FSTL4: variants seen among roughly 807,000 people sequenced by gnomAD.
FSTL4 encodes follistatin-related protein 4.
Under a neutral mutation model 78.2 loss-of-function variants are expected in FSTL4, and 28 were observed. The ratio of observed to expected loss-of-function variants is 0.36; its 90% CI spans 0.27 to 0.49. The LOEUF (loss-of-function observed/expected upper bound fraction) is 0.49. Among genes scored for constraint, FSTL4 ranks in the 20% least tolerant of loss-of-function variants. The pLI, the probability that FSTL4 is intolerant of heterozygous loss-of-function variation, is 0.98. For missense variants in FSTL4, 922 were observed against 1,084.9 expected (o/e 0.85, Z 2.11); for synonymous variants, 422 against 440.5 (o/e 0.96, Z 0.53).
chr5:133,768,803 A>T, the FSTL4 span, among the ~76,000 whole-genome samples: 1 of 152,234 alleles, frequency 6.6e-6, no homozygotes, highest in Non-Finnish European at 1.5e-5. Context: ...AGAAGAATAA[A>T]GCTCCAATAT....
the FSTL4 span, among the ~76,000 whole-genome samples, chr5:133,631,151 G>C: frequency 6.6e-6 from 1 of 151,912 alleles, no homozygotes; most frequent in Admixed American, 6.6e-5. Context: ...GGCAAATGGG[G>C]TCTAATTAAA....
intron 4 of FSTL4, among the ~76,000 whole-genome samples, chr5:133,318,922 A>G (rs1379848767): frequency 6.6e-6 from 1 of 152,164 alleles, no homozygotes; most frequent in Non-Finnish European, 1.5e-5. Context: ...TGGCCTAAGC[A>G]TGGAGAGCGC....
the FSTL4 span, among the ~76,000 whole-genome samples, chr5:133,669,904 T>C: frequency 2.0e-5 from 3 of 152,108 alleles, no homozygotes; most frequent in African/African-American, 4.8e-5. Flanking sequence ...TAAGAGTCAT[T>C]AAGAGTTTCC....
the FSTL4 span, among the ~76,000 whole-genome samples, chr5:133,771,318 C>G: frequency 6.6e-6 from 1 of 152,050 alleles, no homozygotes; most frequent in Non-Finnish European, 1.5e-5. Flanking sequence ...GCAGTATGGT[C>G]ATTTTAACAA....
rs1025909401 is a variant in FSTL4, at chr5:133,318,777, C to A, written c.410-2125G>T. Among the ~76,000 whole-genome samples the A allele has an allele frequency of 5.7e-4, 87 of 152,318 alleles. No homozygotes were observed. The Middle Eastern group carries it at 0.01, about 18-fold the overall frequency. On this transcript the variant is annotated intron_variant, in intron 4 of 15. Coordinates refer to ENST00000265342, the MANE Select transcript of FSTL4 (RefSeq NM_015082.2). Reference sequence around the variant, plus strand: ...AGGCTGGGTCAAAAGGGCAGGATGCCCCATCCTTGCAGATCCCCCCAACCT... The same window carrying A: ...AGGCTGGGTCAAAAGGGCAGGATGCACCATCCTTGCAGATCCCCCCAACCT...
At chr5:133,835,529 A>T in the FSTL4 span, among the ~76,000 whole-genome samples, 1 of 152,252 alleles carries the variant, frequency 6.6e-6, no homozygotes, top group South Asian at 2.1e-4. Flanking sequence ...TGGATGTAGC[A>T]GTATACTTGA....
intron 3 of FSTL4, among the ~76,000 whole-genome samples, chr5:133,401,981 A>G (rs1399895277): frequency 6.6e-6 from 1 of 152,012 alleles, no homozygotes; most frequent in Non-Finnish European, 1.5e-5. Context: ...ATAAGAAGAA[A>G]GTCATGCTCC....
intron 2 of FSTL4, among the ~76,000 whole-genome samples, chr5:133,602,044 C>T (rs759796308): frequency 5.3e-5 from 8 of 151,998 alleles, no homozygotes; most frequent in Non-Finnish European, 1.5e-5. Flanking sequence ...TAGGCCCATT[C>T]CCATTATTAT....
At chr5:133,682,732 T>G in the FSTL4 span, among the ~76,000 whole-genome samples, 2 of 152,026 alleles carry the variant, frequency 1.3e-5, no homozygotes, top group African/African-American at 4.8e-5. Context: ...GGCTGGTGGG[T>G]GGGGTGGCCT....
rs117492269 is a variant in FSTL4 at position 133,364,190 on chromosome 5, C to G, written c.409+36548G>C. On this transcript the variant is annotated intron_variant, in intron 4 of 15. Transcript: ENST00000265342. ...GGGGTCAACAGTTTCCAACACTGCT[C>G]AGCAAGGGACATGTTCAAAGTGCAT... is the stretch of plus-strand genomic sequence containing the variant. Among the ~76,000 whole-genome samples the G allele has an allele frequency of 1.4e-4, 21 of 152,158 alleles. No individual in the cohort carries two copies. The East Asian group carries it at 3.7e-3, about 27-fold the overall frequency.
At chr5:133,427,607 T>C (rs757963891) in intron 3 of FSTL4, 2 of 522,410 alleles carry the variant, frequency 3.8e-6, no homozygotes, top group Non-Finnish European at 7.9e-6. Context: ...GCGGGGGCGA[T>C]AGGGGTAAAA....
At position 133,317,894 on chromosome 5, in the gene FSTL4, A is replaced by T. The variant is rs1753948080; in HGVS notation, c.410-1242T>A. On this transcript the variant is annotated intron_variant, in intron 4 of 15. Transcript: ENST00000265342. The stretch of plus-strand genomic sequence containing the variant: ...ATGGGAACCACATTTACTGAAGAGC[A>T]ATCATCAGGGAAGCTACTGGGGGGA... Among the ~76,000 whole-genome samples, 3 of 152,228 alleles carry T rather than the reference A, an allele frequency of 2.0e-5. No individual in the cohort carries two copies. The South Asian group carries it at 6.2e-4, about 31-fold the overall frequency.
the FSTL4 span, among the ~76,000 whole-genome samples, chr5:133,735,299 G>C: frequency 0.018 from 2,809 of 152,178 alleles, 89 homozygotes; most frequent in African/African-American, 0.064. Flanking sequence ...CCCGTCTCTA[G>C]TAAAAATACA....
chr5:133,217,078 C>CAATA (rs779970077), intron 13 of FSTL4, 151 bp downstream of exon 13: 11 of 611,808 alleles, frequency 1.8e-5, no homozygotes, highest in Admixed American at 8.9e-5. Context: ...AGTAGACAAT[C>CAATA]AATACTTCAC....
At chr5:133,224,357 C>T (rs1751258954) in intron 10 of FSTL4, 141 bp from the exon 11 acceptor site, 2 of 632,742 alleles carry the variant, frequency 3.2e-6, no homozygotes, top group African/African-American at 1.8e-5. Flanking sequence ...CTATACCACT[C>T]ATTGCCCTAG....
chr5:133,634,018 A>G, the FSTL4 span, among the ~76,000 whole-genome samples: 1 of 152,044 alleles, frequency 6.6e-6, no homozygotes, highest in Non-Finnish European at 1.5e-5. Context: ...AGGTGGTGGG[A>G]GAGTGGCCTT....
At chr5:133,733,767 T>C in the FSTL4 span, among the ~76,000 whole-genome samples, 1 of 152,206 alleles carries the variant, frequency 6.6e-6, no homozygotes, top group Non-Finnish European at 1.5e-5. Context: ...AGCTTGGAAG[T>C]AGATTAGCTG....
At chr5:133,259,114 G>T (rs963285624) in intron 6 of FSTL4, among the ~76,000 whole-genome samples, 1 of 150,768 alleles carries the variant, frequency 6.6e-6, no homozygotes, top group African/African-American at 2.4e-5. Context: ...TAAGCATTAC[G>T]GATAGAAAGA....
At chr5:133,732,742 G>A in the FSTL4 span, among the ~76,000 whole-genome samples, 1 of 150,016 alleles carries the variant, frequency 6.7e-6, no homozygotes, top group Non-Finnish European at 1.5e-5. Context: ...CCCTCCGGCA[G>A]CAGTGAATTG....
Sources: gnomAD v4.1 joint callset for allele counts (sites outside exome capture counted in the v4.1 genomes callset) on GRCh38, gnomAD v4.1.1 for gene constraint, MANE v1.5 for transcripts, NCBI Gene and HGNC (gene_info 2026-07-23, HGNC 2026-07-21) for gene names.